ATG13: variants seen among roughly 807,000 people sequenced by gnomAD.
The protein encoded by ATG13 is autophagy related 13.
In ATG13, 23 loss-of-function variants were observed where a neutral mutation model predicts 65.5. That is an observed-to-expected ratio of 0.35 (90% CI 0.25 to 0.50). ATG13 has a LOEUF of 0.50. Ranked by LOEUF, ATG13 falls within the 20% of genes least tolerant of loss-of-function variation. The probability of loss-of-function intolerance (pLI) is 0.98; values close to 1 mark genes in which losing one functional copy is unlikely to be tolerated. For synonymous variants in ATG13, 252 were observed against 245.2 expected (o/e 1.03, Z -0.26); for missense variants, 566 against 677.0 (o/e 0.84, Z 1.82).
intron 2 of ATG13, among the ~76,000 whole-genome samples, chr11:46,641,845 G>T (rs1387198229): frequency 6.6e-6 from 1 of 151,302 alleles, no homozygotes; most frequent in African/African-American, 2.4e-5. Context: ...ACTGCCCATG[G>T]CTCACTGCAG....
At chr11:46,669,241 A>G (rs1323847194) in intron 17 of ATG13, among the ~76,000 whole-genome samples, 163 bp from the exon 18 acceptor site, 3 of 152,222 alleles carry the variant, frequency 2.0e-5, no homozygotes, top group Non-Finnish European at 4.4e-5. Context: ...TATTATCACC[A>G]GCATTAGAAG....
chr11:46,653,116 C>A (rs1474887447), intron 7 of ATG13, among the ~76,000 whole-genome samples: 1 of 149,164 alleles, frequency 6.7e-6, no homozygotes, highest in Non-Finnish European at 1.5e-5. Context: ...TATCTTTTGT[C>A]TGTCGTATCT....
chr11:46,665,247 T>C, intron 13 of ATG13, 136 bp from the exon 14 acceptor site: 1 of 1,113,900 alleles, frequency 9.0e-7, no homozygotes, highest in South Asian at 1.5e-5. Context: ...AGGATAAAGA[T>C]CCAGGGATTG....
chr11:46,652,709 T>A (rs941548303), intron 7 of ATG13, among the ~76,000 whole-genome samples: 7 of 152,114 alleles, frequency 4.6e-5, no homozygotes, highest in Non-Finnish European at 1.0e-4. Context: ...CAAGACTCTG[T>A]CTCAAAAAAA....
intron 1 of ATG13, among the ~76,000 whole-genome samples, chr11:46,622,125 A>ATT (rs1221514985): frequency 7.3e-4 from 58 of 78,982 alleles, no homozygotes; most frequent in African/African-American, 2.6e-3. Context: ...ATATATATAT[A>ATT]TATTTATTTT....
chr11:46,640,832 T>C (rs1272777530), intron 2 of ATG13, among the ~76,000 whole-genome samples: 1 of 152,184 alleles, frequency 6.6e-6, no homozygotes, highest in Non-Finnish European at 1.5e-5. Context: ...TACCAAGTGG[T>C]GTATAGATTT....
intron 1 of ATG13, among the ~76,000 whole-genome samples, chr11:46,628,667 G>A (rs1442727075): frequency 5.3e-5 from 8 of 152,064 alleles, no homozygotes; most frequent in Admixed American, 3.3e-4. Flanking sequence ...TTGGTTAACT[G>A]TTCATTGTTA....
chr11:46,659,295 T>C lies in ATG13; in HGVS notation c.696-97T>C, dbSNP rs1592104081. On this transcript the variant is annotated intron_variant, in intron 10 of 18. Transcript: ENST00000683050. ...AGTACGAACTGTGTGAAACCGTTCT[T>C]AGCACAGGTCCCATCTCTATCTAAT... The C allele has an allele frequency of 7.4e-6, 7 of 945,256 alleles. No homozygotes were observed. In the East Asian group the frequency reaches 1.7e-4, roughly 23 times the overall value. The allele number at this position is 945,256 out of a possible 1,614,324, so 58.6% of individuals were successfully genotyped here.
rs774977516 is a variant in ATG13 at position 46,659,503 on chromosome 11, C to A, written c.789+18C>A. ...CATCCCAGGTAGGGGGAAGCAGGTT[C>A]TGGGGTGGTGGTAGTTATTTGGTAT... On this transcript the variant is annotated intron_variant, in intron 11 of 18. Coordinates refer to ENST00000683050, the MANE Select transcript of ATG13 (RefSeq NM_001346311.2). The A allele has an allele frequency of 8.8e-6, 14 of 1,594,088 alleles. No individual in the cohort carries two copies. The highest frequency in any genetic ancestry group is 1.0e-5 in the Non-Finnish European group (12 of 1,162,140).
chr11:46,641,101 C>G (rs890065482), intron 2 of ATG13, among the ~76,000 whole-genome samples: 6 of 152,212 alleles, frequency 3.9e-5, no homozygotes, highest in African/African-American at 7.2e-5. Flanking sequence ...AAGATGGAGT[C>G]TTGCTCCATT....
rs754718047 is a variant in ATG13 at position 46,672,293 on chromosome 11, T to C, written c.1614T>C (p.Asn538=). ...AGAAGCTGGCTGTGCATGAGAAGAA[T>C]GTCCGCGAGTTTGATGCCTTTGTGG... ...LPEKLAVHEK[N]VREFDAFVET... is the part of the protein sequence containing the mutation. The change falls in exon 19 of 19, where the codon AAT becomes AAC. Residue 538 remains asparagine, a synonymous_variant. Coordinates refer to ENST00000683050, the MANE Select transcript of ATG13 (RefSeq NM_001346311.2). The C allele has an allele frequency of 2.5e-6, 4 of 1,614,124 alleles. No individual in the cohort carries two copies. The highest frequency in any genetic ancestry group is 3.4e-6 in the Non-Finnish European group (4 of 1,180,044).
chr11:46,670,572 G>T (rs1019572434), intron 18 of ATG13, among the ~76,000 whole-genome samples: 1 of 151,986 alleles, frequency 6.6e-6, no homozygotes, highest in Non-Finnish European at 1.5e-5. Flanking sequence ...ACTTTGGGAG[G>T]CTGAGGAGGC....
In ATG13 at chr11:46,672,884, G is replaced by A. The variant is rs576653895; in HGVS notation, c.*552G>A. ...CTCTTCTTCTCTCTCTTGCCTCTATGCCTGTATTTCTGGCAATATGACAGG... is the reference window on the plus strand; with the variant it reads ...CTCTTCTTCTCTCTCTTGCCTCTATACCTGTATTTCTGGCAATATGACAGG... On this transcript the variant is annotated 3_prime_UTR_variant, in exon 19 of 19. Coordinates refer to ENST00000683050, the MANE Select transcript of ATG13 (RefSeq NM_001346311.2). 9 of 1,071,944 alleles carry A rather than the reference G, an allele frequency of 8.4e-6. No individual in the cohort carries two copies. The highest frequency in any genetic ancestry group is 3.5e-5 in the Admixed American group (1 of 28,620). 66.4% of individuals were successfully genotyped at this position (1,071,944 alleles called of 1,614,324 possible). A position where few individuals can be genotyped will look rare whatever the true frequency, so the allele number is the denominator to read the frequency against.
chr11:46,630,937 C>G (rs947904770), intron 2 of ATG13: 7 of 152,082 alleles, frequency 4.6e-5, no homozygotes, highest in Admixed American at 4.6e-4. Context: ...GTCTCAAACT[C>G]CTGGGCTCAA....
At chr11:46,668,980 T>C in intron 17 of ATG13, 70 bp downstream of exon 17, 1 of 1,245,936 alleles carries the variant, frequency 8.0e-7, no homozygotes, top group East Asian at 2.3e-5. Flanking sequence ...CTACTGCACT[T>C]GATCCAGATT....
chr11:46,619,752 G>A (rs1311977665), intron 1 of ATG13, among the ~76,000 whole-genome samples: 2 of 151,734 alleles, frequency 1.3e-5, no homozygotes, highest in African/African-American at 4.8e-5. Context: ...TGAAGGGGCC[G>A]GGCAGGGTGG....
rs1233823301 is a variant in ATG13 at position 46,649,160 on chromosome 11, A to G, written c.294A>G (p.Ile98Met). Residue 98 changes from isoleucine (I) to methionine (M), a missense_variant, in exon 6 of 19, where the codon ATA becomes ATG. Around this residue, in one of 2 missense-constraint regions of ATG13, gnomAD observed 179 missense variants for 267.2 expected, o/e 0.67. Coordinates refer to ENST00000683050, the MANE Select transcript of ATG13 (RefSeq NM_001346311.2). ...TSEGDSMELE[I>M]WCLEMNEKCD... The stretch of plus-strand genomic sequence containing the variant: ...AGGGAGATTCCATGGAGCTGGAAAT[A>G]TGGTGTCTTGAAATGAATGAAAAGT... 2.6e-5 allele frequency: 42 copies of G among 1,613,166 alleles called. No homozygotes were observed. The highest frequency in any genetic ancestry group is 3.4e-5 in the Non-Finnish European group (40 of 1,179,534).
chr11:46,671,728 C>T (rs774611949), intron 18 of ATG13, among the ~76,000 whole-genome samples: 5 of 152,102 alleles, frequency 3.3e-5, no homozygotes, highest in Non-Finnish European at 7.4e-5. Context: ...GGTGACAGAG[C>T]GAGACTCTGT....
intron 4 of ATG13, 39 bp downstream of exon 4, chr11:46,645,458 T>C: frequency 6.5e-7 from 1 of 1,548,148 alleles, no homozygotes. Flanking sequence ...TACTGTAGTG[T>C]TTGTCACAAG....
Sources: allele counts gnomAD v4.1 joint callset (sites outside exome capture counted in the v4.1 genomes callset), GRCh38; gene constraint gnomAD v4.1.1; regional missense constraint gnomAD v4.1.1; transcripts MANE v1.5; gene names NCBI Gene and HGNC (gene_info 2026-07-23, HGNC 2026-07-21).